COL4A2: variants seen among roughly 807,000 people sequenced by gnomAD.
COL4A2 encodes the protein collagen type IV alpha 2 chain.
In COL4A2, 99 loss-of-function variants were observed where a neutral mutation model predicts 200.2. The ratio of observed to expected loss-of-function variants is 0.49; its 90% confidence interval spans 0.42 to 0.58. The LOEUF (loss-of-function observed/expected upper bound fraction) is 0.58, where lower values mean the gene tolerates loss of function less well. Among genes scored for constraint, COL4A2 ranks in the 20% least tolerant of loss-of-function variants. The probability of loss-of-function intolerance (pLI) is 0.00; values close to 1 mark genes in which losing one functional copy is unlikely to be tolerated. For missense variants in COL4A2, 1,950 were observed against 2,314.1 expected (o/e 0.84, Z 3.23); for synonymous variants, 897 against 900.6 (o/e 1.00, Z 0.07).
intron 35 of COL4A2, 47 bp from the exon 36 acceptor site, chr13:110,489,664 T>G: frequency 6.2e-7 from 1 of 1,611,726 alleles, no homozygotes; most frequent in Non-Finnish European, 8.5e-7. Flanking sequence ...ACTCACAAAG[T>G]CCCAGTGGAA....
chr13:110,386,972 G>A (rs955858671), intron 4 of COL4A2, among the ~76,000 whole-genome samples: 2 of 152,172 alleles, frequency 1.3e-5, no homozygotes, highest in Non-Finnish European at 2.9e-5. Context: ...GGGCACGGTG[G>A]CTCATACCTG....
chr13:110,367,858 CAG>C (rs1877821029), intron 4 of COL4A2, among the ~76,000 whole-genome samples: 1 of 139,964 alleles, frequency 7.1e-6, no homozygotes, highest in Non-Finnish European at 1.6e-5. Context: ...ATGCCAGCCA[CAG>C]AGGGCAAGAT....
intron 4 of COL4A2, among the ~76,000 whole-genome samples, chr13:110,364,570 C>G (rs1877661317): frequency 6.6e-6 from 1 of 152,190 alleles, no homozygotes; most frequent in Non-Finnish European, 1.5e-5. Flanking sequence ...TTAAATCTCG[C>G]TGGAAAGAAA....
In COL4A2 at chr13:110,424,747, C is replaced by T. The variant is rs376916470; in HGVS notation, c.194C>T (p.Pro65Leu). The change falls in exon 5 of 48, where the codon CCA (proline) becomes CTA (leucine). Residue 65 changes from proline to leucine, a missense_variant. This residue lies in a region of COL4A2 where 565 missense variants were observed against 593.5 expected (regional missense o/e 0.95). Coordinates refer to ENST00000360467, the MANE Select transcript of COL4A2 (RefSeq NM_001846.4). ...PEKGGRGQPG[P>L]VGPQGYNGPP... Reference sequence around the variant, plus strand: ...TTGTTCCCACAGGGTCAGCCTGGGCCAGTGGGCCCCCAGGGGTACAATGGG... The same window carrying T: ...TTGTTCCCACAGGGTCAGCCTGGGCTAGTGGGCCCCCAGGGGTACAATGGG... The T allele has an allele frequency of 1.2e-6, 2 of 1,608,980 alleles. No homozygotes were observed. The highest frequency in any genetic ancestry group is 1.7e-6 in the Non-Finnish European group (2 of 1,175,782).
intron 18 of COL4A2, 54 bp downstream of exon 18, chr13:110,446,918 GT>G: frequency 6.9e-7 from 1 of 1,454,060 alleles, no homozygotes; most frequent in Non-Finnish European, 9.5e-7. Context: ...ATTCTCTCCT[GT>G]TAGGGACACA....
intron 43 of COL4A2, 76 bp from the exon 44 acceptor site, chr13:110,503,771 G>A (rs1227362583): frequency 6.4e-7 from 1 of 1,562,838 alleles, no homozygotes; most frequent in Non-Finnish European, 8.8e-7. Flanking sequence ...TCCCTGGTGA[G>A]AAACGCAGTA....
At chr13:110,346,872 T>C (rs1876726689) in intron 3 of COL4A2, among the ~76,000 whole-genome samples, 1 of 152,094 alleles carries the variant, frequency 6.6e-6, no homozygotes, top group South Asian at 2.1e-4. Context: ...AAGGCCAGGG[T>C]GCTCTGTTGA....
In COL4A2 at chr13:110,513,134, G is replaced by T. The variant is rs904196068; in HGVS notation, c.*943G>T. The T allele has an allele frequency of 6.6e-6, 1 of 152,146 alleles. No homozygotes were observed. Among genetic ancestry groups the T allele is most frequent in the Non-Finnish European group, 1.5e-5 (1 of 68,042 alleles). 9.4% of individuals were successfully genotyped at this position (152,146 alleles called of 1,614,324 possible). ...ACGCTGCTGTTTTTAATCCATCTCA[G>T]TAGAGTTGAACCCATTCGTGGTATT... is the stretch of plus-strand genomic sequence containing the variant. On this transcript the variant is annotated 3_prime_UTR_variant, in exon 48 of 48. Coordinates refer to ENST00000360467, the MANE Select transcript of COL4A2 (RefSeq NM_001846.4).
chr13:110,334,565 C>T (rs192012672), intron 3 of COL4A2, among the ~76,000 whole-genome samples: 11 of 152,316 alleles, frequency 7.2e-5, no homozygotes, highest in Admixed American at 2.6e-4. Context: ...TCATACCTGT[C>T]GTGGTCATGG....
Position 110,438,578 on chromosome 13 carries a change from C to T in COL4A2, c.862-40C>T, listed in dbSNP as rs368193373. The T allele has an allele frequency of 3.7e-6, 6 of 1,613,728 alleles. No individual in the cohort carries two copies. The African/African-American group carries it at 4.0e-5, about 11-fold the overall frequency. Reference sequence around the variant, plus strand: ...TGGGCCCTGTTGGCTGGAGGGGCCGCCCCTGGGTTGCTCCTTACGCCCCCT... The same window carrying T: ...TGGGCCCTGTTGGCTGGAGGGGCCGTCCCTGGGTTGCTCCTTACGCCCCCT... On this transcript the variant is annotated intron_variant, in intron 14 of 47. Transcript: ENST00000360467.
chr13:110,393,262 ATAAAAT>A (rs757580583), intron 4 of COL4A2, among the ~76,000 whole-genome samples: 16 of 152,364 alleles, frequency 1.1e-4, no homozygotes, highest in Admixed American at 4.6e-4. Flanking sequence ...TAAGGGAAAC[ATAAAAT>A]TAAAATATAA....
intron 6 of COL4A2, 130 bp downstream of exon 6, chr13:110,425,127 C>A: frequency 2.0e-6 from 2 of 1,017,696 alleles, no homozygotes; most frequent in Non-Finnish European, 2.9e-6. Flanking sequence ...GGGGACTATA[C>A]GTGCGTATTC....
At chr13:110,469,494 CTG>C (rs1372641138) in intron 28 of COL4A2, among the ~76,000 whole-genome samples, 170 bp downstream of exon 28, 15 of 152,292 alleles carry the variant, frequency 9.8e-5, no homozygotes, top group Non-Finnish European at 1.9e-4. Context: ...TTTTTCATAA[CTG>C]ATATTGTACT....
In COL4A2 at chr13:110,444,953, C is replaced by T. The variant is rs146058351; in HGVS notation, c.958-876C>T. 9.1e-3 allele frequency among the ~76,000 whole-genome samples: 1,381 copies of T among 152,250 alleles called. 7 individuals are homozygous for T. The highest frequency in any genetic ancestry group is 0.013 in the Non-Finnish European group (900 of 68,020). On this transcript the variant is annotated intron_variant, in intron 16 of 47. Transcript: ENST00000360467. ...GCAACCTCAAACTCCTGGGTTCAAG[C>T]GATCCTCCCACCTCAGCCTCCCAAG... is the stretch of plus-strand genomic sequence containing the variant.
chr13:110,503,708 T>G, intron 43 of COL4A2, 139 bp from the exon 44 acceptor site: 2 of 1,037,120 alleles, frequency 1.9e-6, no homozygotes, highest in Non-Finnish European at 2.9e-6. Context: ...GGCCCGTTAG[T>G]GTCTGGCTCA....
At chr13:110,320,001 T>G (rs1284353350) in intron 3 of COL4A2, among the ~76,000 whole-genome samples, 1 of 152,258 alleles carries the variant, frequency 6.6e-6, no homozygotes, top group Non-Finnish European at 1.5e-5. Flanking sequence ...ACATCAGGTT[T>G]TGTGGTGGTT....
intron 16 of COL4A2, among the ~76,000 whole-genome samples, chr13:110,443,131 C>G (rs745753650): frequency 2.2e-4 from 34 of 152,304 alleles, no homozygotes; most frequent in Non-Finnish European, 3.4e-4. Flanking sequence ...AGATTGAGTT[C>G]TTTTATGGAA....
intron 4 of COL4A2, among the ~76,000 whole-genome samples, chr13:110,405,386 T>C (rs1442460555): frequency 6.6e-6 from 1 of 152,216 alleles, no homozygotes; most frequent in African/African-American, 2.4e-5. Context: ...GGGTTGAGTC[T>C]GTGTCCCAGG....
chr13:110,412,646 G>A (rs1279566210), intron 4 of COL4A2, among the ~76,000 whole-genome samples: 2 of 152,040 alleles, frequency 1.3e-5, no homozygotes, highest in Admixed American at 1.3e-4. Context: ...TAACCTTTAC[G>A]CCCCTGAGTC....
Sources: allele counts gnomAD v4.1 joint callset (sites outside exome capture counted in the v4.1 genomes callset), GRCh38; gene constraint gnomAD v4.1.1; regional missense constraint gnomAD v4.1.1; transcripts MANE v1.5; gene names NCBI Gene and HGNC (gene_info 2026-07-23, HGNC 2026-07-21).